CLVS1: variants seen among roughly 807,000 people sequenced by gnomAD.
CLVS1 encodes clavesin 1.
Under a neutral mutation model 33.1 loss-of-function variants are expected in CLVS1, and 10 were observed. The ratio of observed to expected loss-of-function variants is 0.30; its 90% CI spans 0.19 to 0.51. The LOEUF (loss-of-function observed/expected upper bound fraction) is 0.51, where lower values mean the gene tolerates loss of function less well. Among genes scored for constraint, CLVS1 ranks in the 20% least tolerant of loss-of-function variants. CLVS1 has a pLI of 0.97. For missense variants in CLVS1, 343 were observed against 433.4 expected, an observed-to-expected ratio of 0.79 and a Z score of 1.85; for synonymous variants, 163 against 166.1, an observed-to-expected ratio of 0.98 and a Z score of 0.14.
At chr8:61,180,167 GAC>G (rs1213237120) in intron 2 of CLVS1, among the ~76,000 whole-genome samples, 2 of 152,176 alleles carry the variant, frequency 1.3e-5, no homozygotes, top group Non-Finnish European at 2.9e-5. Context: ...TATCATAACT[GAC>G]CCCAGAGAAA....
intron 2 of CLVS1, among the ~76,000 whole-genome samples, chr8:61,322,008 AT>A (rs1235068449): frequency 6.6e-6 from 1 of 151,984 alleles, no homozygotes; most frequent in African/African-American, 2.4e-5. Flanking sequence ...TGTTTAACCT[AT>A]TTTTTTATGG....
chr8:61,016,258 A>T, the CLVS1 span, among the ~76,000 whole-genome samples: 1 of 152,244 alleles, frequency 6.6e-6, no homozygotes, highest in Admixed American at 6.5e-5. Flanking sequence ...AAACCCAGAA[A>T]TGCAAAGTAC....
intron 1 of CLVS1, among the ~76,000 whole-genome samples, chr8:61,121,778 T>C (rs1238035650): frequency 6.6e-6 from 1 of 152,032 alleles, no homozygotes; most frequent in African/African-American, 2.4e-5. Flanking sequence ...ACACAGACAT[T>C]AATGCAGTTG....
At chr8:61,037,493 C>CT in the CLVS1 span, among the ~76,000 whole-genome samples, 1 of 152,250 alleles carries the variant, frequency 6.6e-6, no homozygotes, top group South Asian at 2.1e-4. Context: ...ATAATATCCC[C>CT]TTGTATTTAT....
the CLVS1 span, among the ~76,000 whole-genome samples, chr8:60,970,918 CTT>C: frequency 4.1e-3 from 618 of 152,008 alleles, 12 homozygotes; most frequent in Admixed American, 0.03. Context: ...TATCTTTTCT[CTT>C]TTATTTTCCA....
intron 3 of CLVS1, among the ~76,000 whole-genome samples, chr8:61,414,994 C>G (rs550333356): frequency 6.6e-6 from 1 of 152,336 alleles, no homozygotes; most frequent in South Asian, 2.1e-4. Flanking sequence ...TAGTTAGGAG[C>G]CATTTGAGGT....
chr8:61,297,174 T>G (rs906941797), intron 1 of CLVS1, among the ~76,000 whole-genome samples: 3 of 152,104 alleles, frequency 2.0e-5, no homozygotes, highest in Non-Finnish European at 4.4e-5. Context: ...GGCCTTGAAA[T>G]CATGTTACAT....
chr8:61,308,787 C>A (rs569258624), intron 2 of CLVS1, among the ~76,000 whole-genome samples: 3 of 152,208 alleles, frequency 2.0e-5, no homozygotes, highest in Non-Finnish European at 2.9e-5. Flanking sequence ...TGCCGTAGTC[C>A]CACAAGGATC....
At chr8:61,162,167 C>T (rs1321273473) in intron 2 of CLVS1, among the ~76,000 whole-genome samples, 1 of 152,204 alleles carries the variant, frequency 6.6e-6, no homozygotes, top group Non-Finnish European at 1.5e-5. Flanking sequence ...GAATTGTTCA[C>T]TACCCTTCAA....
chr8:60,975,911 C>T, the CLVS1 span, among the ~76,000 whole-genome samples: 1 of 152,134 alleles, frequency 6.6e-6, no homozygotes, highest in East Asian at 1.9e-4. Flanking sequence ...GATGGAGATA[C>T]CACAAGCCAC....
intron 1 of CLVS1, among the ~76,000 whole-genome samples, chr8:61,115,335 A>AT (rs200403672): frequency 6.6e-6 from 1 of 150,760 alleles, no homozygotes; most frequent in Admixed American, 6.6e-5. Context: ...GGCAACTCTT[A>AT]TTTTTTTTAT....
chr8:61,287,933 A>T (rs763684409), upstream of CLVS1: 27 of 363,934 alleles, frequency 7.4e-5, no homozygotes, highest in Non-Finnish European at 1.5e-4. Context: ...GGGGAAAGCT[A>T]GGCTCCGTAT....
At chr8:61,378,274 A>G (rs1185127439) in intron 3 of CLVS1, 1 of 152,194 alleles carries the variant, frequency 6.6e-6, no homozygotes, top group East Asian at 1.9e-4. Context: ...AATCAGTAAG[A>G]AAAATGTCCT....
chr8:60,976,481 C>G, the CLVS1 span, among the ~76,000 whole-genome samples: 1 of 152,102 alleles, frequency 6.6e-6, no homozygotes, highest in African/African-American at 2.4e-5. Context: ...CCTCAGCCTC[C>G]TGAGTAGCTG....
chr8:61,139,644 A>C (rs1418030616), intron 2 of CLVS1, among the ~76,000 whole-genome samples: 6 of 151,666 alleles, frequency 4.0e-5, no homozygotes, highest in Admixed American at 2.6e-4. Flanking sequence ...GGAAGGCGAC[A>C]TCCCGGCCTC....
Position 61,313,991 on chromosome 8 carries a change from TGATA to T in CLVS1, c.455+13711_455+13714del, listed in dbSNP as rs576160353. Among the ~76,000 whole-genome samples, 24 of 152,286 alleles carry T rather than the reference TGATA, an allele frequency of 1.6e-4. No individual in the cohort carries two copies. The South Asian group carries it at 5.0e-3, about 32-fold the overall frequency. ...AGCTCCGGGTGCCAACTTCCTCTTC[TGATA>T]GTAAGGATGTGCAAGCAGATGACTC... On this transcript the variant is annotated intron_variant, in intron 2 of 5. Coordinates refer to ENST00000325897, the MANE Select transcript of CLVS1 (RefSeq NM_173519.3).
intron 3 of CLVS1, among the ~76,000 whole-genome samples, chr8:61,398,371 C>T (rs1043052610): frequency 2.0e-5 from 3 of 151,484 alleles, no homozygotes; most frequent in Admixed American, 1.3e-4. Flanking sequence ...TGGTAGAGAC[C>T]GGGTTTCACC....
chr8:61,382,958 A>G (rs973354288), intron 3 of CLVS1, among the ~76,000 whole-genome samples: 8 of 152,232 alleles, frequency 5.3e-5, no homozygotes, highest in African/African-American at 1.9e-4. Flanking sequence ...TACATGCAAC[A>G]TGCCTGGTAG....
At chr8:61,021,491 C>T in the CLVS1 span, among the ~76,000 whole-genome samples, 7 of 151,938 alleles carry the variant, frequency 4.6e-5, no homozygotes, top group Admixed American at 6.6e-5. Context: ...GCTGTGACTA[C>T]AGGCACACAC....
Sources: gnomAD v4.1 joint callset for allele counts (sites outside exome capture counted in the v4.1 genomes callset) on GRCh38, gnomAD v4.1.1 for gene constraint, MANE v1.5 for transcripts, NCBI Gene and HGNC (gene_info 2026-07-23, HGNC 2026-07-21) for gene names.